MMP17: variants seen among roughly 807,000 people sequenced by gnomAD.
MMP17 encodes the protein matrix metalloproteinase-17.
MMP17 carries 54 observed loss-of-function variants against 49.1 expected under a neutral mutation model. The observed-to-expected ratio is 1.10, with a 90% confidence interval of 0.88 to 1.38. The LOEUF (loss-of-function observed/expected upper bound fraction) is 1.38. MMP17 is among the 40% of genes most tolerant of loss of function. MMP17 has a pLI of 0.00. For missense variants in MMP17, 837 were observed against 853.7 expected, an observed-to-expected ratio of 0.98 and a Z score of 0.24; for synonymous variants, 397 against 383.1, an observed-to-expected ratio of 1.04 and a Z score of -0.42.
intron 5 of MMP17, 39 bp from the exon 6 acceptor site, chr12:131,843,958 T>C: frequency 5.6e-6 from 8 of 1,435,710 alleles, no homozygotes; most frequent in African/African-American, 1.4e-5. Flanking sequence ...GAGGCGGGCG[T>C]CGGGGGTTTG....
Position 131,843,980 on chromosome 12 carries a change from C to G in MMP17, c.884-17C>G. 6.5e-7 allele frequency: 1 copy of G among 1,536,620 alleles called. No homozygotes were observed. Among genetic ancestry groups the G allele is most frequent in the Non-Finnish European group, 8.8e-7 (1 of 1,141,214 alleles). On this transcript the variant is annotated splice_polypyrimidine_tract_variant and intron_variant, in intron 5 of 9. Transcript: ENST00000360564. ...GCGTCGGGGGTTTGAGGCCGTCCTCCTCCTTGTCTCCCGCAGGTGTGCGGG... is the reference window on the plus strand; with the variant it reads ...GCGTCGGGGGTTTGAGGCCGTCCTCGTCCTTGTCTCCCGCAGGTGTGCGGG...
Position 131,840,735 on chromosome 12 carries a change from C to A in MMP17, c.585C>A (p.Asn195Lys), listed in dbSNP as rs142005718. 3 of 1,604,516 alleles carry A rather than the reference C, an allele frequency of 1.9e-6. No individual in the cohort carries two copies. The highest frequency in any genetic ancestry group is 1.1e-5 in the South Asian group (1 of 91,088). Residue 195 changes from asparagine (N) to lysine (K), a missense_variant, in exon 4 of 10, where the codon AAC becomes AAA. Asn to Lys is a moderately conservative substitution (Grantham distance 94). Coordinates refer to ENST00000360564, the MANE Select transcript of MMP17 (RefSeq NM_016155.7). ...IQIDFSKADH[N>K]DGYPFDGPGG... ...TCGACTTCTCCAAGGCCGACCATAA[C>A]GACGGCTACCCCTTCGACGGCCCCG...
chr12:131,836,677 A>G (rs559424332), intron 1 of MMP17, among the ~76,000 whole-genome samples: 24 of 15,308 alleles, frequency 1.6e-3, no homozygotes, highest in South Asian at 3.0e-3. Context: ...ATGTCCAGAG[A>G]AAAAAAAAAA....
At chr12:131,833,167 C>T (rs896888794) in intron 1 of MMP17, among the ~76,000 whole-genome samples, 1 of 152,244 alleles carries the variant, frequency 6.6e-6, no homozygotes, top group African/African-American at 2.4e-5. Context: ...CTGTGAGCAC[C>T]TGCTTTGTGC....
rs745318483 is a variant in MMP17 at position 131,840,720 on chromosome 12, C to T, written c.570C>T (p.Ser190=). 1.9e-6 allele frequency: 3 copies of T among 1,604,896 alleles called. No individual in the cohort carries two copies. The highest frequency in any genetic ancestry group is 1.1e-5 in the South Asian group (1 of 91,092). ...CCGCCGACATCCAGATCGACTTCTC[C>T]AAGGCCGACCATAACGACGGCTACC... is the stretch of plus-strand genomic sequence containing the variant. The part of the protein sequence containing the change: ...GSAADIQIDF[S]KADHNDGYPF... Residue 190 remains serine, a synonymous_variant, in exon 4 of 10, where the codon TCC becomes TCT. Coordinates refer to ENST00000360564, the MANE Select transcript of MMP17 (RefSeq NM_016155.7).
rs772506679 is a variant in MMP17 at position 131,838,619 on chromosome 12, C to T, written c.300C>T (p.Ala100=). 4.3e-6 allele frequency: 7 copies of T among 1,609,706 alleles called. No homozygotes were observed. In the African/African-American group the frequency reaches 8.0e-5, roughly 18 times the overall value. The change falls in exon 3 of 10, where the codon GCC becomes GCT. Residue 100 remains alanine, a synonymous_variant. Transcript: ENST00000360564. ...TCCATGCTTTCCCTGCAGACGAGGC[C>T]ACCCTGGCCCTGATGAAAACCCCAC... ...GLEATGILDE[A]TLALMKTPRC...
intron 8 of MMP17, among the ~76,000 whole-genome samples, chr12:131,847,192 T>C (rs150316647): frequency 0.028 from 4,224 of 151,496 alleles, 186 homozygotes; most frequent in African/African-American, 0.09. Flanking sequence ...GCGGGCAGAT[T>C]ACAAGGTCAG....
rs760133336 is a variant in MMP17 at position 131,840,777 on chromosome 12, C to T, written c.627C>T (p.His209=). Residue 209 remains histidine (H), a synonymous_variant, in exon 4 of 10, where the codon CAC becomes CAT. Coordinates refer to ENST00000360564, the MANE Select transcript of MMP17 (RefSeq NM_016155.7). ...PFDGPGGTVA[H]AFFPGHHHTA... ...ACGGCCCCGGCGGCACCGTGGCCCA[C>T]GCCTTCTTCCCCGGCCACCACCACA... The T allele has an allele frequency of 4.4e-6, 7 of 1,605,408 alleles. No homozygotes were observed. The highest frequency in any genetic ancestry group is 4.2e-6 in the Non-Finnish European group (5 of 1,179,802).
Position 131,845,371 on chromosome 12 carries a change from C to T in MMP17, c.1126C>T (p.Arg376Trp), listed in dbSNP as rs763984558. Reference protein sequence around the residue: ...LQPAQMHRFWRGLPLHLDSVD... With the variant: ...LQPAQMHRFWWGLPLHLDSVD... ...GCCGGCACAGATGCACCGCTTCTGGCGGGGCCTGCCGCTGCACCTGGACAG... is the reference window on the plus strand; with the variant it reads ...GCCGGCACAGATGCACCGCTTCTGGTGGGGCCTGCCGCTGCACCTGGACAG... Residue 376 changes from arginine to tryptophan, a missense_variant, in exon 8 of 10, where the codon CGG becomes TGG. Transcript: ENST00000360564. The T allele has an allele frequency of 5.0e-6, 8 of 1,596,494 alleles. No homozygotes were observed. Among genetic ancestry groups the T allele is most frequent in the Admixed American group, 3.4e-5 (2 of 59,698 alleles).
Position 131,839,735 on chromosome 12 carries a change from G to A in MMP17, c.423-838G>A, listed in dbSNP as rs552705938. Among the ~76,000 whole-genome samples, 114 of 152,282 alleles carry A rather than the reference G, an allele frequency of 7.5e-4. 4 individuals are homozygous for A. Among genetic ancestry groups the A allele is most frequent in the Non-Finnish European group, 2.6e-4 (18 of 68,032 alleles). On this transcript the variant is annotated intron_variant, in intron 3 of 9. Transcript: ENST00000360564. ...GGCCAAGGCGGGCGGATCATTTGAG[G>A]TCAGGAGTTCGAGACCAGCCTGGCC...
At chr12:131,850,498 CCT>C (rs1183438153) in intron 9 of MMP17, among the ~76,000 whole-genome samples, 1 of 152,214 alleles carries the variant, frequency 6.6e-6, no homozygotes, top group Non-Finnish European at 1.5e-5. Context: ...ACGGCAGCAT[CCT>C]CTGTTTTGTT....
chr12:131,833,949 T>C (rs1172178263), intron 1 of MMP17, among the ~76,000 whole-genome samples: 1 of 152,260 alleles, frequency 6.6e-6, no homozygotes, highest in Non-Finnish European at 1.5e-5. Context: ...AAGGGAATTC[T>C]GTGCTGTGTG....
At chr12:131,835,359 C>T (rs957332910) in intron 1 of MMP17, among the ~76,000 whole-genome samples, 11 of 152,214 alleles carry the variant, frequency 7.2e-5, no homozygotes, top group African/African-American at 2.4e-4. Flanking sequence ...GCAGGCTGGC[C>T]GCTCACACCT....
intron 1 of MMP17, among the ~76,000 whole-genome samples, chr12:131,831,639 C>T (rs1886799733): frequency 6.6e-6 from 1 of 151,254 alleles, no homozygotes; most frequent in South Asian, 2.1e-4. Flanking sequence ...TCCGCGGTCC[C>T]CTTCTGACAG....
chr12:131,828,472 G>C lies in MMP17; in HGVS notation c.-23G>C. The C allele has an allele frequency of 1.0e-6, 1 of 990,886 alleles. No homozygotes were observed. Among genetic ancestry groups the C allele is most frequent in the East Asian group, 1.1e-4 (1 of 9,046 alleles). The allele number at this position is 990,886 out of a possible 1,614,324, so 61.4% of individuals were successfully genotyped here. ...CGGAGGGCGCGGGACCCTGCACGCC[G>C]CCCGCGGGCCCATGTGAGCGCCATG... On this transcript the variant is annotated 5_prime_UTR_variant, in exon 1 of 10. Coordinates refer to ENST00000360564, the MANE Select transcript of MMP17 (RefSeq NM_016155.7).
chr12:131,833,869 C>A (rs559164027), intron 1 of MMP17, among the ~76,000 whole-genome samples: 43 of 152,346 alleles, frequency 2.8e-4, no homozygotes, highest in African/African-American at 1.0e-3. Context: ...ATCAGTGCAA[C>A]CCAAAGCCCG....
rs1368363355 is a variant in MMP17 at position 131,846,273 on chromosome 12, C to T, written c.1204+824C>T. ...CCCTCAGCCACATCCCTCCTGCCAC[C>T]GCCTCTGTCTCCACCCGGCCGTCTC... On this transcript the variant is annotated intron_variant, in intron 8 of 9. Transcript: ENST00000360564. The surrounding 1 kb of genome is among the most constrained non-coding windows in gnomAD (Gnocchi z 4.6). Among the ~76,000 whole-genome samples, 2 of 152,184 alleles carry T rather than the reference C, an allele frequency of 1.3e-5. No homozygotes were observed. The highest frequency in any genetic ancestry group is 2.4e-5 in the African/African-American group (1 of 41,450).
rs1192143072 is a variant in MMP17, at chr12:131,845,166, G to A, written c.1017G>A (p.Val339=). Residue 339 remains valine (V), a synonymous_variant, in exon 7 of 10, where the codon GTG becomes GTA. Transcript: ENST00000360564. ...GATGCAGCACTCACTTTGACGCGGT[G>A]GCCCAGATCCGGGGTGAAGCTTTCT... The part of the protein sequence containing the change: ...PHRCSTHFDA[V]AQIRGEAFFF... The A allele has an allele frequency of 1.2e-6, 2 of 1,614,066 alleles. No homozygotes were observed. Among genetic ancestry groups the A allele is most frequent in the Admixed American group, 3.3e-5 (2 of 60,030 alleles).
chr12:131,849,341 G>A (rs1887856946), intron 8 of MMP17, among the ~76,000 whole-genome samples: 1 of 152,162 alleles, frequency 6.6e-6, no homozygotes, highest in Non-Finnish European at 1.5e-5. Context: ...AAAATTAGCT[G>A]GGTGTGGTGG....
Sources: allele counts gnomAD v4.1 joint callset (sites outside exome capture counted in the v4.1 genomes callset), GRCh38; gene constraint gnomAD v4.1.1; non-coding constraint Gnocchi (gnomAD v3.1); transcripts MANE v1.5; gene names NCBI Gene and HGNC (gene_info 2026-07-23, HGNC 2026-07-21).